Variants in NEB observed in about 807,000 individuals in gnomAD.
NEB encodes the protein nemaline myopathy type 2.
A neutral mutation model predicts 952.2 loss-of-function variants in NEB; 512 were observed. The observed-to-expected ratio is 0.54, with a 90% CI of 0.50 to 0.58. The LOEUF (loss-of-function observed/expected upper bound fraction) is 0.58, where lower values mean the gene tolerates loss of function less well. Among genes scored for constraint, NEB ranks in the 20% least tolerant of loss-of-function variants. The probability of loss-of-function intolerance (pLI) is 0.00; values close to 1 mark genes in which losing one functional copy is unlikely to be tolerated. For missense variants in NEB, 8,428 were observed against 9,231.1 expected (o/e 0.91, Z 3.56); for synonymous variants, 2,900 against 3,149.8 (o/e 0.92, Z 2.66).
intron 155 of NEB, 115 bp downstream of exon 155, chr2:151,518,850 T>A (rs997909868): frequency 1.5e-6 from 1 of 682,434 alleles, no homozygotes; most frequent in African/African-American, 1.8e-5. Flanking sequence ...ATGAGAACAG[T>A]TTTGTAATAA....
intron 150 of NEB, 82 bp from the exon 151 acceptor site, chr2:151,525,355 G>A: frequency 9.8e-7 from 1 of 1,018,862 alleles, no homozygotes; most frequent in Non-Finnish European, 1.5e-6. Context: ...GAAATCTCCA[G>A]GAAAATCCAT....
At chr2:151,671,386 G>T (rs1014356724) in intron 37 of NEB, 157 bp from the exon 38 acceptor site, 1 of 635,186 alleles carries the variant, frequency 1.6e-6, no homozygotes, top group African/African-American at 1.8e-5. Flanking sequence ...GTGGTAATAA[G>T]AAGAAGCTGT....
chr2:151,680,528 A>T lies in NEB; in HGVS notation c.3042+202T>A, dbSNP rs537018767. On this transcript the variant is annotated intron_variant, in intron 30 of 181. Transcript: ENST00000397345. ...TAGAAAGAAATGTCAAATGGCTAAAAGGACAGTCAGCACAATATACATTAC... is the reference window on the plus strand; with the variant it reads ...TAGAAAGAAATGTCAAATGGCTAAATGGACAGTCAGCACAATATACATTAC... 2.6e-5 allele frequency among the ~76,000 whole-genome samples: 4 copies of T among 152,324 alleles called. No homozygotes were observed. The South Asian group carries it at 8.3e-4, about 32-fold the overall frequency.
rs756360867 is a variant in NEB, at chr2:151,669,108, C to A, written c.4530G>T (p.Glu1510Asp). The change falls in exon 39 of 182, where the codon GAG becomes GAT. Residue 1510 changes from glutamate to aspartate, a missense_variant. Transcript: ENST00000397345. ...LSDLNYKVEG[E>D]KLKHKYTIDP... ...CAATAGTATACTTGTGCTTCAGTTT[C>A]TCTCCCTCTACCTTGTAGTTCAACT... The A allele has an allele frequency of 6.3e-7, 1 of 1,585,470 alleles. No individual in the cohort carries two copies. The highest frequency in any genetic ancestry group is 1.2e-5 in the South Asian group (1 of 86,808).
chr2:151,724,978 CAGTT>C lies in NEB; in HGVS notation c.403-21_403-18del. 6.3e-7 allele frequency: 1 copy of C among 1,589,738 alleles called. No homozygotes were observed. Among genetic ancestry groups the C allele is most frequent in the South Asian group, 1.1e-5 (1 of 90,526 alleles). ...ATACTTAACCTGCCCAAATAATGCA[CAGTT>C]AGAGTTCATGACAGGCATGTACATG... On this transcript the variant is annotated intron_variant, in intron 6 of 181. Transcript: ENST00000397345.
intron 173 of NEB, among the ~76,000 whole-genome samples, chr2:151,495,616 C>T (rs1354547170): frequency 2.6e-5 from 4 of 151,958 alleles, no homozygotes; most frequent in Admixed American, 6.5e-5. Flanking sequence ...CACAAGCTTA[C>T]GGGAAATGGT....
chr2:151,578,952 A>G (rs368886308), intron 105 of NEB, among the ~76,000 whole-genome samples: 55 of 147,674 alleles, frequency 3.7e-4, no homozygotes, highest in African/African-American at 1.2e-3. Context: ...TGTGGTGCAC[A>G]TGCCTGTAAT....
chr2:151,568,640 T>C lies in NEB; in HGVS notation c.17612A>G (p.Gln5871Arg). 6.2e-7 allele frequency: 1 copy of C among 1,609,274 alleles called. No homozygotes were observed. The highest frequency in any genetic ancestry group is 8.5e-7 in the Non-Finnish European group (1 of 1,177,678). Residue 5871 changes from glutamine (Q) to arginine (R), a missense_variant, in exon 111 of 182, where the codon CAA becomes CGA. By Grantham distance (43) the Gln-to-Arg change is conservative (BLOSUM62 1). This residue lies in a region of NEB where 3,374 missense variants were observed against 3,651.5 expected (regional missense o/e 0.92). Transcript: ENST00000397345. ...TACATCATCGAGGATCTCGCCACTT[T>C]GTTTCGCTGTCACATAATCAACTCT... The part of the protein sequence containing the change: ...DDRVDYVTAK[Q>R]SGEILDDIKY...
intron 168 of NEB, 200 bp from the exon 169 acceptor site, chr2:151,499,590 T>TTCA: frequency 4.9e-6 from 2 of 406,806 alleles, no homozygotes; most frequent in Non-Finnish European, 8.9e-6. Flanking sequence ...GTATTTGATA[T>TTCA]TCATCATCTT....
At chr2:151,497,436 T>TTAAC (rs1219084858) in intron 171 of NEB, 190 bp downstream of exon 171, 13 of 980,152 alleles carry the variant, frequency 1.3e-5, no homozygotes, top group South Asian at 4.7e-5. Flanking sequence ...AAAATTGAAA[T>TTAAC]TAACTGTATT....
chr2:151,496,135 A>G lies in NEB; in HGVS notation c.24486+141T>C. The G allele has an allele frequency of 4.1e-6, 4 of 969,822 alleles. No individual in the cohort carries two copies. The South Asian group carries it at 4.8e-5, about 12-fold the overall frequency. 60.1% of individuals were successfully genotyped at this position (969,822 alleles called of 1,614,324 possible). On this transcript the variant is annotated intron_variant, in intron 173 of 181. Transcript: ENST00000397345. ...ATGGGGTTAGGCTAGAAGTAGCCCA[A>G]AGGAAAAAAGGGTAAATTTGCTAAA...
intron 181 of NEB, chr2:151,486,803 C>G (rs529015239): frequency 8.6e-5 from 13 of 152,032 alleles, no homozygotes; most frequent in Non-Finnish European, 1.8e-4. Flanking sequence ...CTTAGGTAGC[C>G]AAATAATATA....
In NEB at chr2:151,608,704, C is replaced by G. The variant is rs377735454; in HGVS notation, c.12331-28G>C. ...ATAAAGAAGATGTCAGACAAAAATA[C>G]CATTTCTGACCAACATGGTGAAACC... On this transcript the variant is annotated intron_variant, in intron 81 of 181. Transcript: ENST00000397345. 2.5e-3 allele frequency: 162 copies of G among 64,228 alleles called. 5 individuals are homozygous for G. The East Asian group carries it at 0.041, about 16-fold the overall frequency. 4.0% of individuals were successfully genotyped at this position (64,228 alleles called of 1,614,324 possible).
chr2:151,559,431 C>G (rs1161078763), intron 124 of NEB, among the ~76,000 whole-genome samples: 1 of 152,114 alleles, frequency 6.6e-6, no homozygotes, highest in African/African-American at 2.4e-5. Flanking sequence ...CCCAGCAATC[C>G]CATTACTGGG....
chr2:151,514,332 G>A lies in NEB; in HGVS notation c.23113C>T (p.Gln7705Ter). The change falls in exon 159 of 182, where the codon CAA (glutamine) becomes TAA (stop). Residue 7705 changes from glutamine to a stop codon, truncating the protein, a stop_gained. Coordinates refer to ENST00000397345, the MANE Select transcript of NEB (RefSeq NM_001164508.2). LOFTEE classifies it high-confidence loss of function. Reference sequence around the variant, plus strand: ...TGTGGGCCTACCTCATTGAGGATTTGAGTGGCATTCTTTGCTCTTAGCATG... The same window carrying A: ...TGTGGGCCTACCTCATTGAGGATTTAAGTGGCATTCTTTGCTCTTAGCATG... ...PDMLRAKNATQILNEKEYKRD... is the reference protein window; with the variant it reads ...PDMLRAKNAT The A allele has an allele frequency of 6.2e-7, 1 of 1,611,354 alleles. No individual in the cohort carries two copies. The highest frequency in any genetic ancestry group is 8.5e-7 in the Non-Finnish European group (1 of 1,177,528).
intron 141 of NEB, among the ~76,000 whole-genome samples, chr2:151,536,738 G>A (rs2093272127): frequency 6.6e-6 from 1 of 152,172 alleles, no homozygotes; most frequent in Non-Finnish European, 1.5e-5. Context: ...ATTGCTTTAT[G>A]TTGTAAATAG....
intron 40 of NEB, 127 bp from the exon 41 acceptor site, chr2:151,666,528 G>GTATTTTGT (rs2099219722): frequency 1.1e-6 from 1 of 873,516 alleles, no homozygotes; most frequent in East Asian, 2.7e-5. Context: ...GTTTTTTTTT[G>GTATTTTGT]TATTTTAAAA....
intron 150 of NEB, 75 bp from the exon 151 acceptor site, chr2:151,525,348 A>T: frequency 9.2e-7 from 1 of 1,081,942 alleles, no homozygotes; most frequent in Non-Finnish European, 1.4e-6. Flanking sequence ...GAACTGTGAA[A>T]TCTCCAGGAA....
At position 151,642,770 on chromosome 2, in the gene NEB, T is replaced by C. The variant is rs1014727178; in HGVS notation, c.8260A>G (p.Ser2754Gly). The C allele has an allele frequency of 3.1e-6, 5 of 1,609,242 alleles. No individual in the cohort carries two copies. Among genetic ancestry groups the C allele is most frequent in the Non-Finnish European group, 4.2e-6 (5 of 1,176,478 alleles). ...ACTATGAATATATTACTTACCTCAC[T>C]GTAATTTACTTTGTTTTGTTTAGCT... ...LLAKQNKVNY[S>G]EKLYKLGLEE... The change falls in exon 59 of 182, where the codon AGT (serine) becomes GGT (glycine). Residue 2754 changes from serine to glycine, a missense_variant. Physicochemically the swap from Ser to Gly is moderately conservative, Grantham distance 56. This residue lies in a region of NEB where 1,772 missense variants were observed against 1,960.3 expected (regional missense o/e 0.90). Transcript: ENST00000397345.
Sources: allele counts gnomAD v4.1 joint callset (sites outside exome capture counted in the v4.1 genomes callset), GRCh38; gene constraint gnomAD v4.1.1; regional missense constraint gnomAD v4.1.1; transcripts MANE v1.5; gene names NCBI Gene and HGNC (gene_info 2026-07-23, HGNC 2026-07-21).